The following CNTNAP2 variants were observed in gnomAD, a reference collection of about 807,000 sequenced individuals.
The protein encoded by CNTNAP2 is contactin associated protein 2, also known as contactin-associated protein-like 2.
In CNTNAP2, 98 loss-of-function variants were observed where a neutral mutation model predicts 155.2. That is an observed-to-expected ratio of 0.63 (90% CI 0.54 to 0.75). The LOEUF (loss-of-function observed/expected upper bound fraction) is 0.75. CNTNAP2 is among the 30% of genes least tolerant of loss of function. The pLI is 0.00. For synonymous variants in CNTNAP2, 651 were observed against 631.2 expected (o/e 1.03, Z -0.47); for missense variants, 1,727 against 1,688.1 (o/e 1.02, Z -0.40).
At chr7:148,329,133 G>T (rs1007980030) in intron 21 of CNTNAP2, among the ~76,000 whole-genome samples, 1 of 152,078 alleles carries the variant, frequency 6.6e-6, no homozygotes. Context: ...CACCCAGCAG[G>T]CTCCCCAGGA....
intron 15 of CNTNAP2, 159 bp downstream of exon 15, chr7:147,978,148 C>A: frequency 1.0e-6 from 1 of 1,002,306 alleles, no homozygotes; most frequent in South Asian, 1.4e-5. Context: ...GGGGAACAGC[C>A]ATAAAGCCTC....
chr7:146,914,280 T>C (rs747592925), intron 3 of CNTNAP2, among the ~76,000 whole-genome samples: 1 of 151,964 alleles, frequency 6.6e-6, no homozygotes, highest in Non-Finnish European at 1.5e-5. Flanking sequence ...CTTTTTTGTA[T>C]AGTGATTTTT....
intron 21 of CNTNAP2, among the ~76,000 whole-genome samples, chr7:148,318,200 G>A (rs1797725150): frequency 1.3e-5 from 2 of 152,184 alleles, no homozygotes; most frequent in African/African-American, 4.8e-5. Flanking sequence ...AGGCCCATCA[G>A]TTACTGTGAA....
At chr7:146,269,751 G>A (rs1161809405) in intron 1 of CNTNAP2, among the ~76,000 whole-genome samples, 1 of 152,174 alleles carries the variant, frequency 6.6e-6, no homozygotes, top group South Asian at 2.1e-4. Context: ...AACTAACTCT[G>A]TATACACTTT....
intron 3 of CNTNAP2, among the ~76,000 whole-genome samples, chr7:146,939,889 A>ATT (rs3081738): frequency 0.044 from 6,676 of 151,944 alleles, 164 homozygotes; most frequent in South Asian, 0.076. Context: ...CACAAATGAG[A>ATT]TTTTTTTTCA....
chr7:146,861,647 T>TA (rs1349251399), intron 3 of CNTNAP2, among the ~76,000 whole-genome samples: 12 of 152,076 alleles, frequency 7.9e-5, no homozygotes, highest in African/African-American at 2.9e-4. Context: ...ACTATCATTA[T>TA]AAAAAATCAG....
At chr7:147,398,970 T>C (rs1176481499) in intron 10 of CNTNAP2, among the ~76,000 whole-genome samples, 1 of 151,790 alleles carries the variant, frequency 6.6e-6, no homozygotes, top group Non-Finnish European at 1.5e-5. Flanking sequence ...TGTTGAGTTG[T>C]AGTTTAAATA....
intron 1 of CNTNAP2, among the ~76,000 whole-genome samples, chr7:146,268,050 T>A (rs1249287432): frequency 6.6e-6 from 1 of 152,180 alleles, no homozygotes; most frequent in Admixed American, 6.5e-5. Flanking sequence ...AATAATCTAG[T>A]GAAAAACACC....
chr7:146,887,667 C>T (rs915862332), intron 3 of CNTNAP2, among the ~76,000 whole-genome samples: 1 of 151,868 alleles, frequency 6.6e-6, no homozygotes, highest in African/African-American at 2.4e-5. Flanking sequence ...CCTGTATTTT[C>T]TCTAATTGCC....
intron 14 of CNTNAP2, among the ~76,000 whole-genome samples, chr7:147,908,382 A>C (rs1366805523): frequency 6.6e-6 from 1 of 152,214 alleles, no homozygotes; most frequent in African/African-American, 2.4e-5. Flanking sequence ...CACTTCTCAC[A>C]AAGCAAAAAT....
intron 21 of CNTNAP2, among the ~76,000 whole-genome samples, chr7:148,272,254 A>C (rs1033418102): frequency 6.6e-6 from 1 of 152,222 alleles, no homozygotes; most frequent in Non-Finnish European, 1.5e-5. Context: ...AAAGGTTCAC[A>C]AAGGAGAAAT....
intron 20 of CNTNAP2, among the ~76,000 whole-genome samples, chr7:148,259,975 C>A (rs1369059723): frequency 1.3e-5 from 2 of 152,102 alleles, no homozygotes; most frequent in Non-Finnish European, 2.9e-5. Context: ...AGTGAAATGA[C>A]CACCAGCTAA....
At chr7:146,505,598 T>C (rs1379882459) in intron 1 of CNTNAP2, among the ~76,000 whole-genome samples, 1 of 152,182 alleles carries the variant, frequency 6.6e-6, no homozygotes, top group African/African-American at 2.4e-5. Context: ...GGCCATATAT[T>C]AAGTACCCAA....
intron 11 of CNTNAP2, among the ~76,000 whole-genome samples, chr7:147,486,355 G>A (rs1431242425): frequency 6.6e-6 from 1 of 152,080 alleles, no homozygotes; most frequent in Non-Finnish European, 1.5e-5. Context: ...CTGTTGGGTC[G>A]ATTGTTTGGG....
At chr7:148,401,735 A>T (rs1799588058) in intron 22 of CNTNAP2, among the ~76,000 whole-genome samples, 1 of 151,948 alleles carries the variant, frequency 6.6e-6, no homozygotes. Context: ...AGTAGCTAGG[A>T]CTACAGGCAC....
chr7:146,418,263 A>G (rs1476346717), intron 1 of CNTNAP2, among the ~76,000 whole-genome samples: 3 of 152,188 alleles, frequency 2.0e-5, no homozygotes, highest in East Asian at 3.8e-4. Flanking sequence ...TGACTTGCAT[A>G]ACTCTGTTTC....
At chr7:146,715,425 G>A (rs1456883032) in intron 1 of CNTNAP2, among the ~76,000 whole-genome samples, 1 of 152,132 alleles carries the variant, frequency 6.6e-6, no homozygotes, top group Non-Finnish European at 1.5e-5. Context: ...ATTAACAGAG[G>A]GCTCTCATTC....
intron 4 of CNTNAP2, among the ~76,000 whole-genome samples, chr7:147,095,625 TTTC>T (rs1255928951): frequency 2.6e-5 from 4 of 151,832 alleles, no homozygotes; most frequent in African/African-American, 9.7e-5. Context: ...TTCTTGCTTC[TTTC>T]TTTTTTTCTT....
intron 8 of CNTNAP2, among the ~76,000 whole-genome samples, chr7:147,159,819 C>T (rs1196098548): frequency 6.6e-6 from 1 of 152,116 alleles, no homozygotes; most frequent in Non-Finnish European, 1.5e-5. Flanking sequence ...GTGAGGAGGG[C>T]ATATCACTGC....
Sources: gnomAD v4.1 joint callset for allele counts (sites outside exome capture counted in the v4.1 genomes callset) on GRCh38, gnomAD v4.1.1 for gene constraint, MANE v1.5 for transcripts, NCBI Gene and HGNC (gene_info 2026-07-23, HGNC 2026-07-21) for gene names.